Variants in CPA6 observed in about 807,000 individuals in gnomAD.
The protein encoded by CPA6 is carboxypeptidase B.
In CPA6, 58 loss-of-function variants were observed where a neutral mutation model predicts 63.3. The observed-to-expected ratio is 0.92, with a 90% CI of 0.74 to 1.14. CPA6 has a LOEUF of 1.14. Ranked by LOEUF, CPA6 falls within the 50% of genes most tolerant of loss-of-function variation. The probability of loss-of-function intolerance (pLI) is 0.00; values close to 1 mark genes in which losing one functional copy is unlikely to be tolerated. For synonymous variants in CPA6, 185 were observed against 179.0 expected, an observed-to-expected ratio of 1.03 and a Z score of -0.27; for missense variants, 565 against 526.6, an observed-to-expected ratio of 1.07 and a Z score of -0.71.
At chr8:67,738,017 T>C (rs562327803) in intron 1 of CPA6, among the ~76,000 whole-genome samples, 1 of 151,694 alleles carries the variant, frequency 6.6e-6, no homozygotes, top group African/African-American at 2.4e-5. Flanking sequence ...AAAATGTCAT[T>C]TATAGAAGAA....
At chr8:67,594,349 A>C (rs1368783971) in intron 2 of CPA6, among the ~76,000 whole-genome samples, 1 of 151,920 alleles carries the variant, frequency 6.6e-6, no homozygotes, top group Non-Finnish European at 1.5e-5. Flanking sequence ...GGTGAATCTG[A>C]CAATTATGTG....
At chr8:67,524,902 G>T (rs1331796719) in intron 2 of CPA6, among the ~76,000 whole-genome samples, 2 of 152,056 alleles carry the variant, frequency 1.3e-5, no homozygotes, top group African/African-American at 4.8e-5. Context: ...CAACTTACAT[G>T]TCCTTAATTT....
intron 2 of CPA6, among the ~76,000 whole-genome samples, chr8:67,623,373 T>C (rs1283913504): frequency 6.6e-6 from 1 of 152,076 alleles, no homozygotes; most frequent in Non-Finnish European, 1.5e-5. Flanking sequence ...ACCTTGGAGA[T>C]GGGTAGTAAA....
intron 1 of CPA6, among the ~76,000 whole-genome samples, chr8:67,638,327 T>G (rs449861): frequency 0.26 from 39,829 of 150,962 alleles, 5,789 homozygotes; most frequent in South Asian, 0.33. Context: ...AAAAATATAG[T>G]CAATAGTGAG....
In CPA6 at chr8:67,487,185, CTAA is replaced by C. The variant is rs151093879; in HGVS notation, c.637-2399_637-2397del. Among the ~76,000 whole-genome samples the C allele has an allele frequency of 2.6e-3, 397 of 152,188 alleles. 8 individuals are homozygous for C. In the East Asian group the frequency reaches 0.066, roughly 25 times the overall value. On this transcript the variant is annotated intron_variant, in intron 6 of 10. Coordinates refer to ENST00000297770, the MANE Select transcript of CPA6 (RefSeq NM_020361.5). ...TCGTCATTTACATTAGGTGTTTCTC[CTAA>C]TGTTATCCCTTCCCCTGACCCCCAC... is the stretch of plus-strand genomic sequence containing the variant.
At chr8:67,560,303 G>A (rs1813177356) in intron 2 of CPA6, among the ~76,000 whole-genome samples, 1 of 152,104 alleles carries the variant, frequency 6.6e-6, no homozygotes, top group Non-Finnish European at 1.5e-5. Flanking sequence ...CATCATTTAT[G>A]ACACAGGGCA....
chr8:67,623,887 G>A lies in CPA6; in HGVS notation c.192+289C>T, dbSNP rs941023213. 5.3e-5 allele frequency among the ~76,000 whole-genome samples: 8 copies of A among 151,978 alleles called. No individual in the cohort carries two copies. The South Asian group carries it at 6.2e-4, about 12-fold the overall frequency. ...AGCCTGGCCAGCATAGTGAAACCCC[G>A]TCTCTACTAAGAGGCCGGAGAATTG... is the stretch of plus-strand genomic sequence containing the variant. On this transcript the variant is annotated intron_variant, in intron 2 of 10. Transcript: ENST00000297770.
At chr8:67,534,091 T>C (rs534739037) in intron 2 of CPA6, among the ~76,000 whole-genome samples, 6 of 152,310 alleles carry the variant, frequency 3.9e-5, no homozygotes, top group Admixed American at 1.3e-4. Context: ...CTGAAGCTTG[T>C]AGATTCCCCA....
At chr8:67,515,092 C>T (rs547854152) in intron 3 of CPA6, among the ~76,000 whole-genome samples, 7 of 152,300 alleles carry the variant, frequency 4.6e-5, no homozygotes, top group Admixed American at 3.3e-4. Flanking sequence ...GACCATCAGC[C>T]CACCCCAGGC....
intron 2 of CPA6, among the ~76,000 whole-genome samples, chr8:67,520,675 A>C: frequency 6.6e-6 from 1 of 152,174 alleles, no homozygotes; most frequent in Non-Finnish European, 1.5e-5. Context: ...TTTGAGGAGG[A>C]ATTAATTGTA....
intron 1 of CPA6, among the ~76,000 whole-genome samples, chr8:67,740,811 C>A (rs189651819): frequency 3.9e-5 from 6 of 152,242 alleles, no homozygotes; most frequent in African/African-American, 1.4e-4. Context: ...CTCAGGTGAT[C>A]CACCTGCCTC....
chr8:67,610,036 A>AAACAAAACAC (rs1183776151), intron 2 of CPA6, among the ~76,000 whole-genome samples: 6 of 151,328 alleles, frequency 4.0e-5, no homozygotes, highest in Admixed American at 6.6e-5. Context: ...AAACAAAACA[A>AAACAAAACAC]AACAAAACAA....
chr8:67,520,593 G>A (rs944943997), intron 2 of CPA6, among the ~76,000 whole-genome samples: 7 of 152,162 alleles, frequency 4.6e-5, no homozygotes, highest in Admixed American at 2.0e-4. Flanking sequence ...AGACTTACGG[G>A]ACAGTAATTA....
chr8:67,666,695 G>A (rs188440023), intron 1 of CPA6, among the ~76,000 whole-genome samples: 22 of 152,228 alleles, frequency 1.4e-4, no homozygotes, highest in African/African-American at 4.6e-4. Context: ...GCTGCTTGGG[G>A]GTGTGACTGT....
rs142912273 is a variant in CPA6 at position 67,703,128 on chromosome 8, C to T, written c.116+42886G>A. ...GATATGTTCCCCAGTGGTGAGATAC[C>T]TCTATGCCTCTCCTCCTTTGGCTGG... On this transcript the variant is annotated intron_variant, in intron 1 of 10. Coordinates refer to ENST00000297770, the MANE Select transcript of CPA6 (RefSeq NM_020361.5). Among the ~76,000 whole-genome samples, 31 of 152,264 alleles carry T rather than the reference C, an allele frequency of 2.0e-4. No homozygotes were observed. The East Asian group carries it at 6.0e-3, about 29-fold the overall frequency.
chr8:67,614,518 T>C (rs866863059), intron 2 of CPA6, among the ~76,000 whole-genome samples: 30 of 152,296 alleles, frequency 2.0e-4, no homozygotes, highest in Middle Eastern at 3.4e-3. Flanking sequence ...CGCTGCTGAA[T>C]AACTGAGGAA....
At chr8:67,422,770 T>C in intron 10 of CPA6, 79 bp from the exon 11 acceptor site, 3 of 1,022,522 alleles carry the variant, frequency 2.9e-6, no homozygotes, top group Non-Finnish European at 4.2e-6. Context: ...TACTATAAAG[T>C]ATCCGCTTAT....
chr8:67,692,272 G>A (rs184141792), intron 1 of CPA6, among the ~76,000 whole-genome samples: 128 of 150,672 alleles, frequency 8.5e-4, no homozygotes, highest in African/African-American at 3.0e-3. Flanking sequence ...GGAAGCAGAG[G>A]TTGCGGTGAG....
chr8:67,638,155 C>T (rs1815512903), intron 1 of CPA6, among the ~76,000 whole-genome samples: 1 of 151,194 alleles, frequency 6.6e-6, no homozygotes. Flanking sequence ...ACCTTGGTAG[C>T]CCTTGGATGC....
Sources: gnomAD v4.1 joint callset for allele counts (sites outside exome capture counted in the v4.1 genomes callset) on GRCh38, gnomAD v4.1.1 for gene constraint, MANE v1.5 for transcripts, NCBI Gene and HGNC (gene_info 2026-07-23, HGNC 2026-07-21) for gene names.